The following ULK2 variants were observed in gnomAD, a reference collection of about 807,000 sequenced individuals.
ULK2 encodes unc-51 like autophagy activating kinase 2.
In ULK2, 76 loss-of-function variants were observed where a neutral mutation model predicts 127.5. The observed-to-expected ratio is 0.60, with a 90% CI of 0.50 to 0.72. The LOEUF (loss-of-function observed/expected upper bound fraction) is 0.72. Ranked by LOEUF, ULK2 falls within the 30% of genes least tolerant of loss-of-function variation. The pLI, the probability that ULK2 is intolerant of heterozygous loss-of-function variation, is 0.00. For missense variants in ULK2, 1,144 were observed against 1,295.9 expected, an observed-to-expected ratio of 0.88 and a Z score of 1.80; for synonymous variants, 452 against 461.9, an observed-to-expected ratio of 0.98 and a Z score of 0.28.
At chr17:19,799,107 G>A (rs2087338241) in intron 17 of ULK2, among the ~76,000 whole-genome samples, 2 of 149,322 alleles carry the variant, frequency 1.3e-5, no homozygotes, top group Admixed American at 1.3e-4. Flanking sequence ...GTTGCAGTGA[G>A]CCAAGATCAT....
chr17:19,837,448 A>C (rs2041626028), intron 10 of ULK2, among the ~76,000 whole-genome samples: 2 of 152,106 alleles, frequency 1.3e-5, no homozygotes, highest in African/African-American at 4.8e-5. Flanking sequence ...ATAAATAAAT[A>C]AATCCAGGCT....
intron 3 of ULK2, 69 bp downstream of exon 3, chr17:19,864,734 A>G: frequency 1.8e-6 from 1 of 567,052 alleles, no homozygotes; most frequent in Non-Finnish European, 2.7e-6. Flanking sequence ...TTCTATTAAG[A>G]GTCACTTAAA....
intron 20 of ULK2, among the ~76,000 whole-genome samples, chr17:19,786,713 C>CAAAAAAAAA: frequency 7.8e-6 from 1 of 127,884 alleles, no homozygotes; most frequent in South Asian, 2.6e-4. Flanking sequence ...GGCTCCGTCT[C>CAAAAAAAAA]AAAAAAAAAA....
chr17:19,789,390 G>A (rs1172700625), intron 20 of ULK2, among the ~76,000 whole-genome samples: 1 of 152,230 alleles, frequency 6.6e-6, no homozygotes, highest in African/African-American at 2.4e-5. Context: ...TGGAGCCCAA[G>A]TCCCGTCAAA....
rs944727855 is a variant in ULK2, at chr17:19,774,167, G to A, written c.*2182C>T. The A allele has an allele frequency of 6.6e-6, 1 of 152,582 alleles. No individual in the cohort carries two copies. The highest frequency in any genetic ancestry group is 2.4e-5 in the African/African-American group (1 of 41,432). 9.5% of individuals were successfully genotyped at this position (152,582 alleles called of 1,614,324 possible). ...TTAAAAATACTCAGGGAAACATAAA[G>A]CATTTGTTTATTATTGCTATACTCA... On this transcript the variant is annotated 3_prime_UTR_variant, in exon 27 of 27. Transcript: ENST00000395544.
intron 12 of ULK2, among the ~76,000 whole-genome samples, chr17:19,821,460 T>C (rs1006624400): frequency 1.3e-5 from 2 of 152,066 alleles, no homozygotes; most frequent in South Asian, 4.1e-4. Context: ...TGGAATAAAA[T>C]AGCAGCTAGA....
intron 3 of ULK2, among the ~76,000 whole-genome samples, chr17:19,855,200 C>G (rs570561466): frequency 2.6e-5 from 4 of 151,298 alleles, no homozygotes; most frequent in Non-Finnish European, 5.9e-5. Context: ...GTCAGGAGAT[C>G]GAGACCATCC....
chr17:19,863,268 G>A (rs557501170), intron 3 of ULK2, among the ~76,000 whole-genome samples: 11 of 151,696 alleles, frequency 7.3e-5, no homozygotes, highest in African/African-American at 7.3e-5. Context: ...AGTGAATACA[G>A]AAGAGGTTTT....
At chr17:19,810,900 G>A (rs2087624781) in intron 13 of ULK2, 1 of 152,396 alleles carries the variant, frequency 6.6e-6, no homozygotes, top group African/African-American at 2.4e-5. Flanking sequence ...TCCGTAAAAT[G>A]TCGGATTACC....
chr17:19,853,249 C>T (rs954569815), intron 3 of ULK2, among the ~76,000 whole-genome samples: 5 of 151,750 alleles, frequency 3.3e-5, no homozygotes, highest in South Asian at 4.2e-4. Context: ...AGTCTCCTGC[C>T]TCAGCACCCC....
chr17:19,825,291 T>C, intron 11 of ULK2, 109 bp from the exon 12 acceptor site: 1 of 818,922 alleles, frequency 1.2e-6, no homozygotes, highest in South Asian at 1.8e-5. Flanking sequence ...CCCCAAAATC[T>C]GCATTTACCT....
At chr17:19,823,378 C>T (rs2041208896) in intron 12 of ULK2, among the ~76,000 whole-genome samples, 5 of 151,942 alleles carry the variant, frequency 3.3e-5, no homozygotes, top group South Asian at 2.1e-4. Context: ...CAACAAAAAC[C>T]CCAAAATGCT....
At chr17:19,859,316 C>A (rs192980009) in intron 3 of ULK2, among the ~76,000 whole-genome samples, 35 of 152,076 alleles carry the variant, frequency 2.3e-4, no homozygotes, top group African/African-American at 8.0e-4. Flanking sequence ...AAGTTCAAGA[C>A]CAGCCTGGGC....
intron 3 of ULK2, among the ~76,000 whole-genome samples, chr17:19,854,575 T>G (rs1195564676): frequency 6.6e-6 from 1 of 152,154 alleles, no homozygotes; most frequent in African/African-American, 2.4e-5. Flanking sequence ...GAGTCTGGGA[T>G]AGCTGGTTGG....
chr17:19,814,330 A>G (rs546966068), intron 13 of ULK2, among the ~76,000 whole-genome samples: 18 of 149,816 alleles, frequency 1.2e-4, no homozygotes, highest in African/African-American at 4.4e-4. Flanking sequence ...TTGTACCAAT[A>G]TATTATAAAG....
chr17:19,773,395 C>T lies in ULK2; in HGVS notation c.*2954G>A, dbSNP rs969851429. 6 of 152,180 alleles carry T rather than the reference C, an allele frequency of 3.9e-5. No individual in the cohort carries two copies. The highest frequency in any genetic ancestry group is 1.2e-4 in the African/African-American group (5 of 41,438). 9.4% of individuals were successfully genotyped at this position (152,180 alleles called of 1,614,324 possible). A position where few individuals can be genotyped will look rare whatever the true frequency, so the allele number is the denominator to read the frequency against. On this transcript the variant is annotated 3_prime_UTR_variant, in exon 27 of 27. Coordinates refer to ENST00000395544, the MANE Select transcript of ULK2 (RefSeq NM_014683.4). Reference sequence around the variant, plus strand: ...CTGAGGCAATCCAGCCCTAAAAATCCTCTCCTCTCAAGCTCCTGGACGGGA... The same window carrying T: ...CTGAGGCAATCCAGCCCTAAAAATCTTCTCCTCTCAAGCTCCTGGACGGGA...
chr17:19,840,198 A>AT (rs1306154919), intron 9 of ULK2: 7 of 493,860 alleles, frequency 1.4e-5, no homozygotes, highest in Non-Finnish European at 2.9e-5. Context: ...CGAATACAAC[A>AT]TATCTCCGGA....
intron 9 of ULK2, 29 bp downstream of exon 9, chr17:19,841,460 G>A: frequency 6.4e-7 from 1 of 1,561,492 alleles, no homozygotes; most frequent in Non-Finnish European, 8.6e-7. Context: ...TTCACAAATA[G>A]TAAAACCCAG....
chr17:19,832,233 T>C (rs562722140), intron 10 of ULK2, among the ~76,000 whole-genome samples: 2 of 149,648 alleles, frequency 1.3e-5, no homozygotes, highest in East Asian at 2.0e-4. Context: ...AAAGAAATAA[T>C]AAAGATTGGA....
Sources: allele counts gnomAD v4.1 joint callset (sites outside exome capture counted in the v4.1 genomes callset), GRCh38; gene constraint gnomAD v4.1.1; transcripts MANE v1.5; gene names NCBI Gene and HGNC (gene_info 2026-07-23, HGNC 2026-07-21).